LRIG1: variants seen among roughly 807,000 people sequenced by gnomAD.
The protein encoded by LRIG1 is leucine-rich repeats and immunoglobulin-like domains protein 1.
LRIG1 carries 48 observed loss-of-function variants against 99.2 expected under a neutral mutation model. That is an observed-to-expected ratio of 0.48 (90% CI 0.38 to 0.62). The LOEUF (loss-of-function observed/expected upper bound fraction) is 0.62. LRIG1 is among the 20% of genes least tolerant of loss of function. The pLI is 0.00. For missense variants in LRIG1, 1,646 were observed against 1,434.4 expected, an observed-to-expected ratio of 1.15 and a Z score of -2.38; for synonymous variants, 772 against 596.1, an observed-to-expected ratio of 1.29 and a Z score of -4.30.
chr3:66,473,346 G>C (rs182015198), intron 1 of LRIG1, among the ~76,000 whole-genome samples: 21 of 152,206 alleles, frequency 1.4e-4, no homozygotes, highest in African/African-American at 5.1e-4. Context: ...AAGTTCCCCA[G>C]AGTACGGGAG....
chr3:66,415,121 T>C, intron 4 of LRIG1, 58 bp from the exon 5 acceptor site: 1 of 1,532,138 alleles, frequency 6.5e-7, no homozygotes, highest in South Asian at 1.3e-5. Context: ...CTCATTTCAT[T>C]ATAGACACCA....
rs1162386650 is a variant in LRIG1, at chr3:66,493,533, A to G, written c.218+6657T>C. 5.9e-5 allele frequency among the ~76,000 whole-genome samples: 9 copies of G among 152,330 alleles called. No individual in the cohort carries two copies. In the East Asian group the frequency reaches 1.3e-3, roughly 23 times the overall value. On this transcript the variant is annotated intron_variant, in intron 1 of 18. Coordinates refer to ENST00000273261, the MANE Select transcript of LRIG1 (RefSeq NM_015541.3). ...TCCATGGGAGAAGGCCGCTTCATAC[A>G]TATCACCAAAACTCACAGGAGAAGG...
chr3:66,416,997 C>T (rs1460979288), intron 4 of LRIG1, 132 bp downstream of exon 4: 1 of 1,214,088 alleles, frequency 8.2e-7, no homozygotes, highest in Non-Finnish European at 1.2e-6. Flanking sequence ...GAACCATCCC[C>T]ACTGACTCGG....
At chr3:66,489,742 A>C (rs1360826487) in intron 1 of LRIG1, among the ~76,000 whole-genome samples, 1 of 152,206 alleles carries the variant, frequency 6.6e-6, no homozygotes, top group African/African-American at 2.4e-5. Context: ...GACTAGCCCA[A>C]GGTTATGCTG....
intron 12 of LRIG1, among the ~76,000 whole-genome samples, chr3:66,391,995 C>T (rs982076545): frequency 6.6e-6 from 1 of 152,194 alleles, no homozygotes; most frequent in Admixed American, 6.5e-5. Context: ...TACTACTAAC[C>T]TAATCTCTAC....
chr3:66,412,856 C>T lies in LRIG1; in HGVS notation c.791+15G>A, dbSNP rs368027410. ...AGCAATCCTTAGCAATGCCAGTAAC[C>T]TGGTCCGCACTTACAGCACATGCAT... is the stretch of plus-strand genomic sequence containing the variant. On this transcript the variant is annotated intron_variant, in intron 6 of 18. Transcript: ENST00000273261. 39 of 1,613,616 alleles carry T rather than the reference C, an allele frequency of 2.4e-5. No individual in the cohort carries two copies. Among genetic ancestry groups the T allele is most frequent in the African/African-American group, 4.0e-5 (3 of 74,918 alleles).
chr3:66,441,523 T>C (rs1703538851), intron 3 of LRIG1, among the ~76,000 whole-genome samples: 1 of 152,082 alleles, frequency 6.6e-6, no homozygotes, highest in African/African-American at 2.4e-5. Flanking sequence ...TTCGCATCAG[T>C]GAAAGAAAAT....
In LRIG1 at chr3:66,444,273, AACAGCAAATTAAG is replaced by A. The variant is rs963828161; in HGVS notation, c.365+7273_365+7285del. On this transcript the variant is annotated intron_variant, in intron 3 of 18. Transcript: ENST00000273261. ...GGGCAGACTTGAGTGGTCACCAACA[AACAGCAAATTAAG>A]CACAAGCAAATATGTAACAGTCATG... Among the ~76,000 whole-genome samples the A allele has an allele frequency of 2.0e-5, 3 of 152,192 alleles. No individual in the cohort carries two copies. In the East Asian group the frequency reaches 5.8e-4, roughly 29 times the overall value.
rs376176897 is a variant in LRIG1, at chr3:66,420,781, G to A, written c.366-3515C>T. On this transcript the variant is annotated intron_variant, in intron 3 of 18. Coordinates refer to ENST00000273261, the MANE Select transcript of LRIG1 (RefSeq NM_015541.3). ...AGTAGAATGGTGGTGTCCAGGGACC[G>A]GGGAGACCGCAGAAGGAAGATCTGT... Among the ~76,000 whole-genome samples, 30 of 152,298 alleles carry A rather than the reference G, an allele frequency of 2.0e-4. 1 individual carries two copies. The highest frequency in any genetic ancestry group is 4.1e-4 in the African/African-American group (17 of 41,550).
Position 66,414,987 on chromosome 3 carries a change from G to C in LRIG1, c.580C>G (p.Arg194Gly), listed in dbSNP as rs147639877. 1.9e-6 allele frequency: 3 copies of C among 1,613,080 alleles called. No individual in the cohort carries two copies. In the South Asian group the frequency reaches 3.3e-5, roughly 18 times the overall value. The change falls in exon 5 of 19, where the codon CGC (arginine) becomes GGC (glycine). Residue 194 changes from arginine (R) to glycine (G), a missense_variant. By Grantham distance (125) the Arg-to-Gly change is moderately radical. Coordinates refer to ENST00000273261, the MANE Select transcript of LRIG1 (RefSeq NM_015541.3). Reference sequence around the variant, plus strand: ...TGGGTGATCCTGTTTTTGCTCAGGCGAAGAGTTAGCAGCGACCGTGACAGA... The same window carrying C: ...TGGGTGATCCTGTTTTTGCTCAGGCCAAGAGTTAGCAGCGACCGTGACAGA... ...DGLSRSLLTL[R>G]LSKNRITQLP...
chr3:66,463,900 C>T (rs574153639), intron 1 of LRIG1, among the ~76,000 whole-genome samples: 2 of 152,320 alleles, frequency 1.3e-5, no homozygotes, highest in African/African-American at 4.8e-5. Flanking sequence ...ACTAATGGCA[C>T]TTCTGTATTC....
At position 66,452,499 on chromosome 3, in the gene LRIG1, A is replaced by G. The variant is rs1703938810; in HGVS notation, c.291-866T>C. Among the ~76,000 whole-genome samples the G allele has an allele frequency of 2.0e-5, 3 of 152,146 alleles. No individual in the cohort carries two copies. The South Asian group carries it at 6.2e-4, about 32-fold the overall frequency. On this transcript the variant is annotated intron_variant, in intron 2 of 18. Coordinates refer to ENST00000273261, the MANE Select transcript of LRIG1 (RefSeq NM_015541.3). Reference sequence around the variant, plus strand: ...CAACAATCCTTAAGAAAACCAAAGCAAAGTGTTCAGGCTTTCTGCCAGGTG... The same window carrying G: ...CAACAATCCTTAAGAAAACCAAAGCGAAGTGTTCAGGCTTTCTGCCAGGTG...
chr3:66,409,093 G>A (rs1052421072), intron 7 of LRIG1, among the ~76,000 whole-genome samples: 2 of 151,966 alleles, frequency 1.3e-5, no homozygotes. Flanking sequence ...GCCTGGTGAG[G>A]TCAAGAGAGA....
Position 66,384,147 on chromosome 3 carries a change from C to A in LRIG1, c.1915G>T (p.Asp639Tyr), listed in dbSNP as rs755808825. ...CGTCGCTCACGGGCAGCGGGGAAATCCGTGCCTCCATCCTTCTGCCAGGCA... is the reference window on the plus strand; with the variant it reads ...CGTCGCTCACGGGCAGCGGGGAAATACGTGCCTCCATCCTTCTGCCAGGCA... ...QIAWQKDGGTDFPAARERRMH... is the reference protein window; with the variant it reads ...QIAWQKDGGTYFPAARERRMH... The change falls in exon 14 of 19, where the codon GAT (aspartate) becomes TAT (tyrosine). Residue 639 changes from aspartate (D) to tyrosine (Y), a missense_variant. Transcript: ENST00000273261. The A allele has an allele frequency of 6.2e-7, 1 of 1,614,212 alleles. No homozygotes were observed. Among genetic ancestry groups the A allele is most frequent in the East Asian group, 2.2e-5 (1 of 44,884 alleles).
At chr3:66,446,555 C>T (rs1364167210) in intron 3 of LRIG1, among the ~76,000 whole-genome samples, 7 of 151,808 alleles carry the variant, frequency 4.6e-5, no homozygotes, top group Non-Finnish European at 1.0e-4. Flanking sequence ...ACCTGCACCT[C>T]CCACCACTCC....
At chr3:66,484,797 T>TCTC (rs923919940) in intron 1 of LRIG1, among the ~76,000 whole-genome samples, 30 of 152,118 alleles carry the variant, frequency 2.0e-4, no homozygotes, top group African/African-American at 7.0e-4. Flanking sequence ...TAAAAAGCTC[T>TCTC]CTCCTCCCTC....
intron 1 of LRIG1, among the ~76,000 whole-genome samples, chr3:66,484,787 T>A (rs1700933494): frequency 6.6e-6 from 1 of 151,902 alleles, no homozygotes; most frequent in Non-Finnish European, 1.5e-5. Flanking sequence ...CAGATGTGAG[T>A]AAAAAGCTCT....
chr3:66,398,207 A>T, intron 10 of LRIG1, 24 bp from the exon 11 acceptor site: 1 of 1,598,878 alleles, frequency 6.3e-7, no homozygotes, highest in East Asian at 2.2e-5. Flanking sequence ...TACATTACTT[A>T]TGCAAAGAAA....
At chr3:66,412,782 C>T (rs1452011970) in intron 6 of LRIG1, 89 bp downstream of exon 6, 155 of 1,466,978 alleles carry the variant, frequency 1.1e-4, no homozygotes, top group Non-Finnish European at 1.3e-4. Flanking sequence ...GGTGTTGGTG[C>T]GCACATGCAT....
Sources: gnomAD v4.1 joint callset for allele counts (sites outside exome capture counted in the v4.1 genomes callset) on GRCh38, gnomAD v4.1.1 for gene constraint, MANE v1.5 for transcripts, NCBI Gene and HGNC (gene_info 2026-07-23, HGNC 2026-07-21) for gene names.